Variants in SLC16A10 observed in about 807,000 individuals in gnomAD.
SLC16A10 encodes monocarboxylate transporter 10.
SLC16A10 carries 27 observed loss-of-function variants against 40.0 expected under a neutral mutation model. The ratio of observed to expected loss-of-function variants is 0.67; its 90% confidence interval spans 0.50 to 0.93. The LOEUF (loss-of-function observed/expected upper bound fraction) is 0.93. Ranked by LOEUF, SLC16A10 falls within the 40% of genes least tolerant of loss-of-function variation. The pLI is 0.00. For synonymous variants in SLC16A10, 213 were observed against 249.8 expected, an observed-to-expected ratio of 0.85 and a Z score of 1.39; for missense variants, 529 against 658.2, an observed-to-expected ratio of 0.80 and a Z score of 2.15.
chr6:111,177,892 A>T (rs1255806330), intron 3 of SLC16A10, among the ~76,000 whole-genome samples: 2 of 152,186 alleles, frequency 1.3e-5, no homozygotes, highest in East Asian at 3.9e-4. Context: ...AACCCTGCAA[A>T]CCCAGCCAGA....
intron 1 of SLC16A10, among the ~76,000 whole-genome samples, chr6:111,146,038 A>G (rs752326864): frequency 2.6e-5 from 4 of 152,372 alleles, no homozygotes; most frequent in Non-Finnish European, 5.9e-5. Context: ...ACAATGGGAG[A>G]TAATTTTTTG....
In SLC16A10 at chr6:111,087,532, G is replaced by C. The variant is rs935763117; in HGVS notation, c.-221G>C. 1 of 198,714 alleles carries C rather than the reference G, an allele frequency of 5.0e-6. No homozygotes were observed. The highest frequency in any genetic ancestry group is 1.3e-4 in the East Asian group (1 of 7,546). 12.3% of individuals were successfully genotyped at this position (198,714 alleles called of 1,614,324 possible). A position where few individuals can be genotyped will look rare whatever the true frequency, so the allele number is the denominator to read the frequency against. ...GGGGGTGCGGGGCTGTGACCTAGAG[G>C]CTTCAGTGTCGATCCCCGAGGTGTT... On this transcript the variant is annotated 5_prime_UTR_variant, in exon 1 of 6. Coordinates refer to ENST00000368851, the MANE Select transcript of SLC16A10 (RefSeq NM_018593.5).
chr6:111,217,398 T>C (rs1773442900), intron 4 of SLC16A10, among the ~76,000 whole-genome samples: 1 of 152,214 alleles, frequency 6.6e-6, no homozygotes, highest in South Asian at 2.1e-4. Flanking sequence ...ACTTGATGCT[T>C]TTAAAAATTT....
At chr6:111,111,060 C>G (rs1422449480) in intron 1 of SLC16A10, among the ~76,000 whole-genome samples, 2 of 152,088 alleles carry the variant, frequency 1.3e-5, no homozygotes, top group Non-Finnish European at 2.9e-5. Flanking sequence ...ACTGCCAGTT[C>G]TGTACAGCCA....
chr6:111,221,449 A>G (rs540431580), intron 5 of SLC16A10, among the ~76,000 whole-genome samples: 1 of 152,296 alleles, frequency 6.6e-6, no homozygotes, highest in South Asian at 2.1e-4. Context: ...CAAATACACC[A>G]AAGAGTAGTT....
In SLC16A10 at chr6:111,177,685, G is replaced by T. The variant is rs530061716; in HGVS notation, c.942+20G>T. 1.9e-5 allele frequency: 28 copies of T among 1,489,178 alleles called. No homozygotes were observed. The South Asian group carries it at 3.9e-4, about 21-fold the overall frequency. 92.2% of individuals were successfully genotyped at this position (1,489,178 alleles called of 1,614,324 possible). ...CACTTGGTGAGTATGCTCCTTCACT[G>T]ATCATGAATATTACTATTTAATAAA... On this transcript the variant is annotated intron_variant, in intron 3 of 5. Transcript: ENST00000368851.
At chr6:111,111,082 C>T (rs1192107043) in intron 1 of SLC16A10, among the ~76,000 whole-genome samples, 1 of 152,086 alleles carries the variant, frequency 6.6e-6, no homozygotes, top group Non-Finnish European at 1.5e-5. Flanking sequence ...TTGTTTAATG[C>T]AGTCTGCTCT....
intron 4 of SLC16A10, among the ~76,000 whole-genome samples, chr6:111,209,292 G>A (rs1341814105): frequency 2.0e-5 from 3 of 152,094 alleles, no homozygotes; most frequent in Admixed American, 6.6e-5. Flanking sequence ...AAGAACCAAG[G>A]CAGAGATACT....
intron 1 of SLC16A10, among the ~76,000 whole-genome samples, chr6:111,124,318 A>C (rs936677693): frequency 6.6e-6 from 1 of 151,506 alleles, no homozygotes; most frequent in East Asian, 1.9e-4. Flanking sequence ...AAAAAAAAAA[A>C]CTTAAAGAAC....
chr6:111,191,314 C>T (rs1186817946), intron 3 of SLC16A10, among the ~76,000 whole-genome samples: 1 of 152,160 alleles, frequency 6.6e-6, no homozygotes, highest in Non-Finnish European at 1.5e-5. Context: ...ATGATGGTTT[C>T]CAGCTTCATC....
intron 1 of SLC16A10, among the ~76,000 whole-genome samples, chr6:111,091,486 G>A (rs1485346490): frequency 6.6e-6 from 1 of 152,178 alleles, no homozygotes; most frequent in Non-Finnish European, 1.5e-5. Flanking sequence ...CCTGTTTCTT[G>A]GTCCTACTTT....
At chr6:111,172,612 T>C in intron 1 of SLC16A10, 83 bp from the exon 2 acceptor site, 1 of 1,487,890 alleles carries the variant, frequency 6.7e-7, no homozygotes, top group Non-Finnish European at 9.0e-7. Context: ...AAAATTTTTC[T>C]AAATGTGTAT....
intron 4 of SLC16A10, among the ~76,000 whole-genome samples, chr6:111,217,370 T>A (rs1444653968): frequency 6.6e-6 from 1 of 152,268 alleles, no homozygotes; most frequent in Admixed American, 6.5e-5. Flanking sequence ...GTTGCTATTA[T>A]ATGCATACTT....
At position 111,153,131 on chromosome 6, in the gene SLC16A10, T is replaced by C. The variant is rs142463425; in HGVS notation, c.344-19564T>C. Among the ~76,000 whole-genome samples the C allele has an allele frequency of 5.1e-3, 776 of 152,342 alleles. 2 individuals carry two copies. Among genetic ancestry groups the C allele is most frequent in the African/African-American group, 0.017 (718 of 41,586 alleles). Reference sequence around the variant, plus strand: ...AGCTGGGTTCTGAAGTATTCCTCCATAGAAGGGCATTTTAAATAGCTTTTT... The same window carrying C: ...AGCTGGGTTCTGAAGTATTCCTCCACAGAAGGGCATTTTAAATAGCTTTTT... On this transcript the variant is annotated intron_variant, in intron 1 of 5. Transcript: ENST00000368851.
chr6:111,093,955 G>A (rs1771028071), intron 1 of SLC16A10, among the ~76,000 whole-genome samples: 1 of 152,176 alleles, frequency 6.6e-6, no homozygotes, highest in Admixed American at 6.5e-5. Context: ...TGGATTAAGT[G>A]CGAGACTGAA....
Position 111,096,372 on chromosome 6 carries a change from T to C in SLC16A10, c.343+8277T>C, listed in dbSNP as rs189094515. 5.1e-4 allele frequency among the ~76,000 whole-genome samples: 77 copies of C among 152,276 alleles called. 3 individuals are homozygous for C. In the East Asian group the frequency reaches 0.014, roughly 27 times the overall value. ...CCTAAACATAACATGAACAGTCAGC[T>C]CACCACAGTTCTGAGCACCTGCCTT... On this transcript the variant is annotated intron_variant, in intron 1 of 5. Coordinates refer to ENST00000368851, the MANE Select transcript of SLC16A10 (RefSeq NM_018593.5).
At chr6:111,206,402 C>G (rs1773255650) in intron 3 of SLC16A10, among the ~76,000 whole-genome samples, 190 bp from the exon 4 acceptor site, 1 of 152,030 alleles carries the variant, frequency 6.6e-6, no homozygotes, top group Non-Finnish European at 1.5e-5. Context: ...AAAATGAAAA[C>G]TAAAACATGT....
At chr6:111,169,900 GTTTTC>G (rs1407028093) in intron 1 of SLC16A10, among the ~76,000 whole-genome samples, 2 of 136,798 alleles carry the variant, frequency 1.5e-5, no homozygotes, top group Non-Finnish European at 3.1e-5. Flanking sequence ...CAAGGGTTTT[GTTTTC>G]TTTTCTTTTC....
At chr6:111,161,661 C>T (rs547070613) in intron 1 of SLC16A10, among the ~76,000 whole-genome samples, 1 of 152,084 alleles carries the variant, frequency 6.6e-6, no homozygotes, top group South Asian at 2.1e-4. Context: ...GTTTAATGGC[C>T]TGAAAATGAG....
Sources: allele counts gnomAD v4.1 joint callset (sites outside exome capture counted in the v4.1 genomes callset), GRCh38; gene constraint gnomAD v4.1.1; transcripts MANE v1.5; gene names NCBI Gene and HGNC (gene_info 2026-07-23, HGNC 2026-07-21).